Variants in DPP10 observed in about 807,000 individuals in gnomAD.
DPP10 encodes the protein dipeptidyl peptidase like 10.
Under a neutral mutation model 120.9 loss-of-function variants are expected in DPP10, and 33 were observed. That is an observed-to-expected ratio of 0.27 (90% CI 0.21 to 0.37). The LOEUF is 0.37. Ranked by LOEUF, DPP10 falls within the 10% of genes least tolerant of loss-of-function variation. The pLI is 1.00. For synonymous variants in DPP10, 337 were observed against 326.1 expected (o/e 1.03, Z -0.36); for missense variants, 816 against 942.8 (o/e 0.87, Z 1.76).
chr2:115,702,614 A>G (rs936872421), intron 7 of DPP10, among the ~76,000 whole-genome samples: 1 of 152,072 alleles, frequency 6.6e-6, no homozygotes, highest in Admixed American at 6.6e-5. Flanking sequence ...TCAGAAGTCA[A>G]ATATGATTTC....
intron 1 of DPP10, among the ~76,000 whole-genome samples, chr2:115,289,115 T>A (rs1385921700): frequency 6.6e-6 from 1 of 152,102 alleles, no homozygotes; most frequent in African/African-American, 2.4e-5. Flanking sequence ...ACAAAATCTA[T>A]GTGAAGAAAT....
At chr2:114,544,723 A>G (rs1308654459) in intron 1 of DPP10, among the ~76,000 whole-genome samples, 1 of 152,036 alleles carries the variant, frequency 6.6e-6, no homozygotes, top group Non-Finnish European at 1.5e-5. Context: ...TATTGATTAT[A>G]TTTATATAAG....
At chr2:115,024,341 C>G (rs1290673981) in intron 1 of DPP10, among the ~76,000 whole-genome samples, 2 of 151,904 alleles carry the variant, frequency 1.3e-5, no homozygotes, top group Non-Finnish European at 2.9e-5. Context: ...TGTTTGCTTT[C>G]TATTTGTCCC....
chr2:115,327,024 A>G (rs1162956672), intron 2 of DPP10, among the ~76,000 whole-genome samples: 2 of 152,046 alleles, frequency 1.3e-5, no homozygotes, highest in African/African-American at 2.4e-5. Flanking sequence ...GTAACTTCCA[A>G]TCCTACAAGC....
chr2:114,590,879 C>A (rs1691405168), intron 1 of DPP10, among the ~76,000 whole-genome samples: 2 of 152,102 alleles, frequency 1.3e-5, no homozygotes, highest in South Asian at 4.1e-4. Flanking sequence ...CTGTATTTAA[C>A]AATTAGCTTT....
chr2:115,812,430 A>G (rs1686744781), intron 19 of DPP10, among the ~76,000 whole-genome samples: 1 of 152,186 alleles, frequency 6.6e-6, no homozygotes, highest in Admixed American at 6.5e-5. Flanking sequence ...CAAATGTTAA[A>G]CAAGCTGTAT....
At chr2:115,153,009 GGAT>G (rs1273033431) in intron 1 of DPP10, among the ~76,000 whole-genome samples, 3 of 152,146 alleles carry the variant, frequency 2.0e-5, no homozygotes, top group Non-Finnish European at 4.4e-5. Flanking sequence ...TAAGCCAGAT[GGAT>G]GCCTACCCAC....
intron 1 of DPP10, among the ~76,000 whole-genome samples, chr2:114,934,453 GA>G (rs1464139601): frequency 1.3e-5 from 2 of 152,162 alleles, no homozygotes; most frequent in African/African-American, 4.8e-5. Context: ...AAGTGGGAGT[GA>G]AACATCATAA....
intron 1 of DPP10, among the ~76,000 whole-genome samples, chr2:115,069,747 T>G (rs1707218821): frequency 2.0e-5 from 3 of 151,988 alleles, no homozygotes; most frequent in Non-Finnish European, 4.4e-5. Flanking sequence ...GCTGATGAAT[T>G]TAGGCATGTT....
chr2:114,691,890 C>G (rs1699773428), intron 1 of DPP10, among the ~76,000 whole-genome samples: 1 of 151,994 alleles, frequency 6.6e-6, no homozygotes, highest in Non-Finnish European at 1.5e-5. Context: ...ATAGTATTCT[C>G]TGATGGTTGT....
At chr2:115,186,650 C>T (rs1375204378) in intron 1 of DPP10, among the ~76,000 whole-genome samples, 1 of 152,150 alleles carries the variant, frequency 6.6e-6, no homozygotes, top group Non-Finnish European at 1.5e-5. Flanking sequence ...GTATAACCCT[C>T]AACTGTATAG....
chr2:115,312,595 C>T (rs2061627345), intron 2 of DPP10, among the ~76,000 whole-genome samples: 2 of 152,128 alleles, frequency 1.3e-5, no homozygotes, highest in Admixed American at 6.5e-5. Context: ...GTGTGTCTGG[C>T]TGTGTACGTC....
intron 5 of DPP10, among the ~76,000 whole-genome samples, chr2:115,560,684 G>A (rs2080591614): frequency 6.6e-6 from 1 of 151,212 alleles, no homozygotes. Flanking sequence ...GCACTATCAT[G>A]GCTCACAACA....
intron 1 of DPP10, among the ~76,000 whole-genome samples, chr2:114,769,320 G>A (rs143311568): frequency 2.3e-4 from 35 of 152,108 alleles, no homozygotes; most frequent in Non-Finnish European, 4.4e-4. Context: ...TACAGGGGGA[G>A]TATTTGTACC....
chr2:114,861,471 C>A (rs528342292), intron 1 of DPP10, among the ~76,000 whole-genome samples: 33 of 152,278 alleles, frequency 2.2e-4, no homozygotes, highest in African/African-American at 6.5e-4. Flanking sequence ...AAACCACCAA[C>A]AAATGCATTT....
chr2:114,918,950 A>C (rs1217340049), intron 1 of DPP10, among the ~76,000 whole-genome samples: 1 of 152,116 alleles, frequency 6.6e-6, no homozygotes, highest in Non-Finnish European at 1.5e-5. Context: ...CCTAAAAAAA[A>C]GAAAGAGTTG....
At chr2:115,744,038 A>C (rs527774715) in intron 9 of DPP10, among the ~76,000 whole-genome samples, 2 of 150,860 alleles carry the variant, frequency 1.3e-5, no homozygotes, top group East Asian at 3.9e-4. Context: ...ATGCATAAAT[A>C]GATAAAGATA....
chr2:115,296,280 G>T (rs962228956), intron 1 of DPP10, among the ~76,000 whole-genome samples: 2 of 152,072 alleles, frequency 1.3e-5, no homozygotes, highest in African/African-American at 4.8e-5. Flanking sequence ...CTAAAGGTCG[G>T]TGGTGTTACC....
At chr2:115,447,383 T>G (rs2072705324) in intron 3 of DPP10, among the ~76,000 whole-genome samples, 1 of 152,192 alleles carries the variant, frequency 6.6e-6, no homozygotes, top group Non-Finnish European at 1.5e-5. Flanking sequence ...TTTGGGTTAC[T>G]GCTGGAATGA....
Sources: gnomAD v4.1 joint callset for allele counts (sites outside exome capture counted in the v4.1 genomes callset) on GRCh38, gnomAD v4.1.1 for gene constraint, MANE v1.5 for transcripts, NCBI Gene and HGNC (gene_info 2026-07-23, HGNC 2026-07-21) for gene names.